The following SHOC1 variants were observed in gnomAD, a reference collection of about 807,000 sequenced individuals.
SHOC1 encodes shortage in chiasmata 1, also known as protein shortage in chiasmata 1 ortholog.
SHOC1 carries 136 observed loss-of-function variants against 179.2 expected under a neutral mutation model. The observed-to-expected ratio is 0.76, with a 90% CI of 0.66 to 0.87. The LOEUF (loss-of-function observed/expected upper bound fraction) is 0.87. SHOC1 is among the 40% of genes least tolerant of loss of function. SHOC1 has a pLI of 0.00. For missense variants in SHOC1, 1,538 were observed against 1,700.8 expected (o/e 0.90, Z 1.68); for synonymous variants, 489 against 586.6 (o/e 0.83, Z 2.41).
rs561249517 is a variant in SHOC1, at chr9:111,738,546, T to C, written c.1175-24A>G. ...CACTTAAAAAAAAATAAAAAACAAA[T>C]AGTTAGAAACAGTCTACAAAGCAAA... On this transcript the variant is annotated intron_variant, in intron 11 of 27. Coordinates refer to ENST00000682961, the MANE Select transcript of SHOC1 (RefSeq NM_001378211.1). 224 of 1,518,706 alleles carry C rather than the reference T, an allele frequency of 1.5e-4. 2 individuals are homozygous for C. The East Asian group carries it at 5.0e-3, about 34-fold the overall frequency. 94.1% of individuals were successfully genotyped at this position (1,518,706 alleles called of 1,614,324 possible).
Position 111,756,471 on chromosome 9 carries a change from C to A in SHOC1, c.716G>T (p.Ser239Ile). ...TAAGAATTCATACTCAATAAGAAAA[C>A]TTGACGGCTGAAAAAACATAGTTTA... is the stretch of plus-strand genomic sequence containing the variant. ...EDTICLNEPS[S>I]FLIEYEFLIP... The change falls in exon 8 of 28, where the codon AGT (serine) becomes ATT (isoleucine). Residue 239 changes from serine to isoleucine, a missense_variant. Physicochemically the swap from Ser to Ile is moderately radical, Grantham distance 142. Coordinates refer to ENST00000682961, the MANE Select transcript of SHOC1 (RefSeq NM_001378211.1). 2 of 1,588,650 alleles carry A rather than the reference C, an allele frequency of 1.3e-6. No individual in the cohort carries two copies. Among genetic ancestry groups the A allele is most frequent in the Middle Eastern group, 1.7e-4 (1 of 6,012 alleles).
chr9:111,703,829 T>C, intron 22 of SHOC1, 52 bp downstream of exon 22: 2 of 840,532 alleles, frequency 2.4e-6, no homozygotes, highest in Non-Finnish European at 3.7e-6. Flanking sequence ...ACAAATTACA[T>C]AGCCATATAT....
intron 3 of SHOC1, among the ~76,000 whole-genome samples, chr9:111,783,882 G>T (rs1836170250): frequency 6.6e-6 from 1 of 152,146 alleles, no homozygotes; most frequent in Admixed American, 6.5e-5. Context: ...CAGGGCAAAT[G>T]AAGTCTTCAT....
chr9:111,723,029 C>T (rs1564126061), intron 14 of SHOC1, among the ~76,000 whole-genome samples: 3 of 152,110 alleles, frequency 2.0e-5, no homozygotes, highest in South Asian at 2.1e-4. Context: ...ATCCGCCCAC[C>T]TCGGCCTCCC....
At chr9:111,702,766 G>A (rs952388156) in intron 22 of SHOC1, among the ~76,000 whole-genome samples, 2 of 152,088 alleles carry the variant, frequency 1.3e-5, no homozygotes, top group African/African-American at 4.8e-5. Flanking sequence ...ATACATTAAG[G>A]AATTCAAAAA....
chr9:111,719,138 C>T (rs1016637706), intron 15 of SHOC1, among the ~76,000 whole-genome samples: 1 of 152,122 alleles, frequency 6.6e-6, no homozygotes, highest in Non-Finnish European at 1.5e-5. Context: ...CAATCATGAC[C>T]TGCAAGAGAT....
intron 12 of SHOC1, 187 bp downstream of exon 12, chr9:111,738,079 GGGTTAGCTAGTCAA>G: frequency 2.1e-6 from 1 of 477,638 alleles, no homozygotes; most frequent in Non-Finnish European, 3.6e-6. Flanking sequence ...CAAGATTTTA[GGGTTAGCTAGTCAA>G]ACTTCATCAT....
intron 8 of SHOC1, among the ~76,000 whole-genome samples, chr9:111,749,044 T>G (rs921088075): frequency 3.7e-5 from 5 of 135,444 alleles, no homozygotes; most frequent in African/African-American, 8.1e-5. Flanking sequence ...CCCAGCTGTC[T>G]GACACATTTT....
chr9:111,717,673 T>C (rs1260602704), intron 16 of SHOC1, among the ~76,000 whole-genome samples: 1 of 152,120 alleles, frequency 6.6e-6, no homozygotes, highest in Non-Finnish European at 1.5e-5. Flanking sequence ...ACATTTTAAT[T>C]TGATAGGTTA....
In SHOC1 at chr9:111,785,939, TATCAGTAAC is replaced by T; in HGVS notation, c.133_141del (p.Val45_Asp47del). The T allele has an allele frequency of 3.3e-6, 5 of 1,497,422 alleles. No individual in the cohort carries two copies. The highest frequency in any genetic ancestry group is 4.4e-6 in the Non-Finnish European group (5 of 1,126,378). 92.8% of individuals were successfully genotyped at this position (1,497,422 alleles called of 1,614,324 possible). On this transcript the variant is annotated inframe_deletion, in exon 3 of 28. Coordinates refer to ENST00000682961, the MANE Select transcript of SHOC1 (RefSeq NM_001378211.1). ...CTCGTCCATGGCCTCCTAAATTTAT[TATCAGTAAC>T]TGCTACATGGTAACTTTCATCTTGA...
chr9:111,781,003 C>T lies in SHOC1; in HGVS notation c.184G>A (p.Val62Ile), dbSNP rs1258407454. ...RPWTRVSAVS[V>I]PGMTDTSVLD... Reference sequence around the variant, plus strand: ...ACTGAGGTATCTGTCATTCCCGGAACTGAAACAGCTGAGACTAGAAAGGAT... The same window carrying T: ...ACTGAGGTATCTGTCATTCCCGGAATTGAAACAGCTGAGACTAGAAAGGAT... The change falls in exon 4 of 28, where the codon GTT (valine) becomes ATT (isoleucine). Residue 62 changes from valine to isoleucine, a missense_variant. Coordinates refer to ENST00000682961, the MANE Select transcript of SHOC1 (RefSeq NM_001378211.1). 2 of 1,612,366 alleles carry T rather than the reference C, an allele frequency of 1.2e-6. No homozygotes were observed. Among genetic ancestry groups the T allele is most frequent in the Non-Finnish European group, 8.5e-7 (1 of 1,178,956 alleles).
chr9:111,755,670 A>G (rs1254944914), intron 8 of SHOC1, among the ~76,000 whole-genome samples: 2 of 152,206 alleles, frequency 1.3e-5, no homozygotes, highest in Admixed American at 6.5e-5. Flanking sequence ...GAGCCTCTCC[A>G]TAGTTAACTA....
intron 5 of SHOC1, among the ~76,000 whole-genome samples, chr9:111,771,300 A>C (rs2131605574): frequency 6.6e-6 from 1 of 152,152 alleles, no homozygotes; most frequent in Admixed American, 6.5e-5. Flanking sequence ...ACACATACAC[A>C]CAAAATGCCA....
intron 1 of SHOC1, 46 bp from the exon 2 acceptor site, chr9:111,791,500 C>G: frequency 2.3e-6 from 2 of 854,818 alleles, no homozygotes; most frequent in Non-Finnish European, 3.4e-6. Flanking sequence ...AATAGCAAGT[C>G]AAGTGCAGAA....
At chr9:111,689,693 A>C (rs1342792788) in intron 27 of SHOC1, among the ~76,000 whole-genome samples, 1 of 152,072 alleles carries the variant, frequency 6.6e-6, no homozygotes, top group African/African-American at 2.4e-5. Context: ...AAATTATTTC[A>C]TGGAAATAAC....
intron 22 of SHOC1, among the ~76,000 whole-genome samples, 179 bp from the exon 23 acceptor site, chr9:111,702,405 T>C (rs1006374182): frequency 7.9e-5 from 12 of 152,184 alleles, no homozygotes; most frequent in Admixed American, 7.9e-4. Flanking sequence ...AAAGCTATAG[T>C]AGACATAAAA....
chr9:111,701,287 TAA>T, intron 23 of SHOC1, among the ~76,000 whole-genome samples: 1 of 152,290 alleles, frequency 6.6e-6, no homozygotes, highest in Non-Finnish European at 1.5e-5. Flanking sequence ...TCTAATTCTC[TAA>T]AAATATGAAT....
At chr9:111,704,166 T>C (rs757690563) in intron 21 of SHOC1, among the ~76,000 whole-genome samples, 174 bp from the exon 22 acceptor site, 2 of 152,242 alleles carry the variant, frequency 1.3e-5, no homozygotes, top group African/African-American at 4.8e-5. Flanking sequence ...TTTTTCAGTA[T>C]ATAAAACAAA....
intron 2 of SHOC1, among the ~76,000 whole-genome samples, chr9:111,790,890 A>T (rs1165619327): frequency 6.6e-6 from 1 of 152,232 alleles, no homozygotes; most frequent in Non-Finnish European, 1.5e-5. Context: ...ATAATTTTCA[A>T]TAAATCTAAA....
Sources: allele counts gnomAD v4.1 joint callset (sites outside exome capture counted in the v4.1 genomes callset), GRCh38; gene constraint gnomAD v4.1.1; transcripts MANE v1.5; gene names NCBI Gene and HGNC (gene_info 2026-07-23, HGNC 2026-07-21).